The following CTBP1 variants were observed in gnomAD, a reference collection of about 807,000 sequenced individuals.
CTBP1 encodes the protein C-terminal-binding protein 1.
A neutral mutation model predicts 42.1 loss-of-function variants in CTBP1; 11 were observed. The observed-to-expected ratio is 0.26, with a 90% CI of 0.16 to 0.43. CTBP1 has a LOEUF of 0.43. CTBP1 is among the 20% of genes least tolerant of loss of function. CTBP1 has a pLI of 1.00. For synonymous variants in CTBP1, 324 were observed against 277.1 expected (o/e 1.17, Z -1.68); for missense variants, 399 against 624.3 (o/e 0.64, Z 3.85).
chr4:1,227,235 A>G lies in CTBP1; in HGVS notation c.307+964T>C, dbSNP rs570046021. On this transcript the variant is annotated intron_variant, in intron 4 of 9. Coordinates refer to ENST00000382952, the MANE Select transcript of CTBP1 (RefSeq NM_001012614.2). ...ATGCTGAGTGCACAAGCAGAGGTGC[A>G]TGTGTTCTGTGTGATGAGCATGTGA... Among the ~76,000 whole-genome samples the G allele has an allele frequency of 4.2e-4, 64 of 151,178 alleles. No individual in the cohort carries two copies. In the Middle Eastern group the frequency reaches 0.014, roughly 33 times the overall value.
In CTBP1 at chr4:1,238,403, G is replaced by A. The variant is rs751968806; in HGVS notation, c.8-66C>T. ...GCCCCGTGGCTACAACCCACTCCAC[G>A]CCACCCACTGTGCACGGGCCAACGA... On this transcript the variant is annotated intron_variant, in intron 2 of 9. Transcript: ENST00000382952. This position sits in a 1 kb window ranked among gnomAD's most constrained non-coding sequence, Gnocchi z 5.9. 2.0e-5 allele frequency: 30 copies of A among 1,494,838 alleles called. No individual in the cohort carries two copies. The highest frequency in any genetic ancestry group is 4.5e-5 in the Admixed American group (2 of 44,386). 92.6% of individuals were successfully genotyped at this position (1,494,838 alleles called of 1,614,324 possible).
intron 4 of CTBP1, among the ~76,000 whole-genome samples, chr4:1,226,962 A>G (rs1206358968): frequency 1.3e-5 from 2 of 152,096 alleles, no homozygotes; most frequent in African/African-American, 2.4e-5. Flanking sequence ...AAAGGGAAGC[A>G]AAACCGTGAG....
At position 1,228,354 on chromosome 4, in the gene CTBP1, A is replaced by C; in HGVS notation, c.163-11T>G. 6.2e-7 allele frequency: 1 copy of C among 1,611,830 alleles called. No individual in the cohort carries two copies. The highest frequency in any genetic ancestry group is 8.5e-7 in the Non-Finnish European group (1 of 1,178,380). On this transcript the variant is annotated splice_polypyrimidine_tract_variant and intron_variant, in intron 3 of 9. Transcript: ENST00000382952. ...AGCCTCGTTCAGGACCTGCAGCGAG[A>C]AAGCACACAGGCTCAGCCCGGAACC...
chr4:1,244,267 G>A (rs1048933395), intron 1 of CTBP1: 2 of 985,146 alleles, frequency 2.0e-6, no homozygotes, highest in Non-Finnish European at 2.4e-6. Flanking sequence ...CTGGTCTGGA[G>A]AGGGACCGGG....
Position 1,238,085 on chromosome 4 carries a change from C to T in CTBP1, c.162+98G>A, listed in dbSNP as rs1344105518. The T allele has an allele frequency of 2.0e-6, 3 of 1,513,634 alleles. No homozygotes were observed. The highest frequency in any genetic ancestry group is 2.7e-6 in the Non-Finnish European group (3 of 1,095,520). 93.8% of individuals were successfully genotyped at this position (1,513,634 alleles called of 1,614,324 possible). A position where few individuals can be genotyped will look rare whatever the true frequency, so the allele number is the denominator to read the frequency against. ...ACAGAGGCTGCTCCTGCCCCAGTGG[C>T]ACCCAGACCTGCTGTGGCCCGGGCC... On this transcript the variant is annotated intron_variant, in intron 3 of 9. Coordinates refer to ENST00000382952, the MANE Select transcript of CTBP1 (RefSeq NM_001012614.2). This position sits in a 1 kb window ranked among gnomAD's most constrained non-coding sequence, Gnocchi z 5.9.
chr4:1,228,373 C>A, intron 3 of CTBP1, 30 bp from the exon 4 acceptor site: 4 of 1,604,140 alleles, frequency 2.5e-6, no homozygotes, highest in East Asian at 2.2e-5. Context: ...AGGCTCAGCC[C>A]GGAACCTGAA....
chr4:1,233,814 G>C lies in CTBP1; in HGVS notation c.162+4369C>G, dbSNP rs1006393189. Among the ~76,000 whole-genome samples the C allele has an allele frequency of 6.6e-6, 1 of 152,214 alleles. No individual in the cohort carries two copies. The highest frequency in any genetic ancestry group is 1.9e-4 in the East Asian group (1 of 5,200). ...GGCGGCGACCTCCAACCAGCTATGC[G>C]GGAAGTTTCTGCCCCAGGAGGCAGA... On this transcript the variant is annotated intron_variant, in intron 3 of 9. Transcript: ENST00000382952. The surrounding 1 kb of genome is among the most constrained non-coding windows in gnomAD (Gnocchi z 4.6).
At chr4:1,246,215 G>T (rs759468844) in intron 1 of CTBP1, among the ~76,000 whole-genome samples, 2 of 152,068 alleles carry the variant, frequency 1.3e-5, no homozygotes, top group Non-Finnish European at 2.9e-5. Flanking sequence ...AGACACTCCC[G>T]GCACAGAGCT....
chr4:1,225,350 G>A lies in CTBP1; in HGVS notation c.514+10C>T. ...GGAGGGACACAGGCGTGGAGCTGCG[G>A]CCGACGCACCAAGTCCGATGATGCC... On this transcript the variant is annotated intron_variant, in intron 5 of 9. Coordinates refer to ENST00000382952, the MANE Select transcript of CTBP1 (RefSeq NM_001012614.2). The A allele has an allele frequency of 6.5e-7, 1 of 1,542,536 alleles. No homozygotes were observed. Among genetic ancestry groups the A allele is most frequent in the South Asian group, 1.2e-5 (1 of 84,082 alleles).
At chr4:1,236,394 G>T in intron 3 of CTBP1, 4 of 533,804 alleles carry the variant, frequency 7.5e-6, no homozygotes, top group Non-Finnish European at 1.3e-5. Flanking sequence ...GCAATGCCGA[G>T]ACCGCCCGTG....
chr4:1,224,051 G>A (rs747177986), intron 5 of CTBP1, among the ~76,000 whole-genome samples: 6 of 145,430 alleles, frequency 4.1e-5, no homozygotes, highest in Admixed American at 6.7e-5. Flanking sequence ...GGAAGCCCAC[G>A]GCTGCCCGAA....
At chr4:1,232,461 A>G (rs1306961333) in intron 3 of CTBP1, among the ~76,000 whole-genome samples, 2 of 151,874 alleles carry the variant, frequency 1.3e-5, no homozygotes, top group African/African-American at 4.8e-5. Flanking sequence ...ACAGGCGCGC[A>G]CCACCACGCG....
intron 4 of CTBP1, among the ~76,000 whole-genome samples, chr4:1,227,779 G>A (rs1325575313): frequency 3.3e-5 from 5 of 152,224 alleles, no homozygotes; most frequent in Non-Finnish European, 4.4e-5. Context: ...AGGTGCAGAC[G>A]TGTGTGTTCT....
upstream of CTBP1, chr4:1,250,030 T>C (rs1490240194): frequency 6.3e-6 from 1 of 159,330 alleles, no homozygotes; most frequent in Non-Finnish European, 1.4e-5. Flanking sequence ...GAGTGGACGC[T>C]TCCATCCACC....
At chr4:1,237,629 C>G (rs1441965191) in intron 3 of CTBP1, 6 of 616,852 alleles carry the variant, frequency 9.7e-6, no homozygotes, top group Admixed American at 4.4e-5. Flanking sequence ...TGATGGGGCT[C>G]AGGACAAACC....
At chr4:1,239,657 C>T (rs1212426450) in intron 2 of CTBP1, among the ~76,000 whole-genome samples, 1 of 152,214 alleles carries the variant, frequency 6.6e-6, no homozygotes, top group Admixed American at 6.5e-5. Flanking sequence ...CACACGCCTG[C>T]AGGGGACGGG....
chr4:1,244,248 C>T (rs1333916744), intron 1 of CTBP1: 35 of 984,938 alleles, frequency 3.6e-5, no homozygotes, highest in Non-Finnish European at 3.3e-5. Flanking sequence ...TGCTGGGCAT[C>T]GGTCCATTCT....
intron 4 of CTBP1, among the ~76,000 whole-genome samples, chr4:1,225,851 C>T (rs1395573449): frequency 6.6e-6 from 1 of 152,036 alleles, no homozygotes; most frequent in Non-Finnish European, 1.5e-5. Flanking sequence ...TGCCCTGACC[C>T]CTCCCGACTC....
intron 3 of CTBP1, among the ~76,000 whole-genome samples, chr4:1,229,123 G>A (rs1252610201): frequency 6.6e-6 from 1 of 152,200 alleles, no homozygotes; most frequent in East Asian, 1.9e-4. Flanking sequence ...TGTGGTCACG[G>A]CCAACCCCAC....
Sources: allele counts gnomAD v4.1 joint callset (sites outside exome capture counted in the v4.1 genomes callset), GRCh38; gene constraint gnomAD v4.1.1; non-coding constraint Gnocchi (gnomAD v3.1); transcripts MANE v1.5; gene names NCBI Gene and HGNC (gene_info 2026-07-23, HGNC 2026-07-21).